The following KLHL3 variants were observed in gnomAD, a reference collection of about 807,000 sequenced individuals.
KLHL3 encodes the protein kelch-like protein 3.
A neutral mutation model predicts 70.5 loss-of-function variants in KLHL3; 19 were observed. The observed-to-expected ratio is 0.27, with a 90% CI of 0.19 to 0.40. The LOEUF (loss-of-function observed/expected upper bound fraction) is 0.40, where lower values mean the gene tolerates loss of function less well. KLHL3 is among the 10% of genes least tolerant of loss of function. The pLI, the probability that KLHL3 is intolerant of heterozygous loss-of-function variation, is 1.00. For synonymous variants in KLHL3, 258 were observed against 290.3 expected (o/e 0.89, Z 1.13); for missense variants, 512 against 771.1 (o/e 0.66, Z 3.98).
At chr5:137,715,068 G>GGATGGTAA (rs1387780021) in intron 2 of KLHL3, among the ~76,000 whole-genome samples, 1 of 152,206 alleles carries the variant, frequency 6.6e-6, no homozygotes, top group African/African-American at 2.4e-5. Context: ...TTTGCTTGCT[G>GGATGGTAA]GATGGTAAGT....
At chr5:137,693,459 T>C (rs1465709297) in intron 4 of KLHL3, among the ~76,000 whole-genome samples, 1 of 152,078 alleles carries the variant, frequency 6.6e-6, no homozygotes, top group East Asian at 1.9e-4. Flanking sequence ...CCAACCTCTA[T>C]CAATTTTCCC....
chr5:137,660,732 A>C (rs1200696559), intron 7 of KLHL3: 1 of 152,242 alleles, frequency 6.6e-6, no homozygotes, highest in Non-Finnish European at 1.5e-5. Flanking sequence ...CAGTGGTCAC[A>C]AAGACTACAG....
At chr5:137,674,594 G>T (rs1751841631) in intron 6 of KLHL3, among the ~76,000 whole-genome samples, 1 of 152,190 alleles carries the variant, frequency 6.6e-6, no homozygotes, top group African/African-American at 2.4e-5. Flanking sequence ...TCTGTGGGCT[G>T]CATGCAGAGT....
chr5:137,631,694 G>A (rs988044179), intron 12 of KLHL3, among the ~76,000 whole-genome samples: 5 of 152,196 alleles, frequency 3.3e-5, no homozygotes, highest in South Asian at 2.1e-4. Flanking sequence ...TATCCACCTC[G>A]TAGGGCTGCA....
At chr5:137,733,961 T>C (rs1753220432) in intron 1 of KLHL3, among the ~76,000 whole-genome samples, 1 of 152,228 alleles carries the variant, frequency 6.6e-6, no homozygotes, top group Admixed American at 6.5e-5. Context: ...GTCTACCATC[T>C]GCCTTCAGCA....
At chr5:137,720,340 A>T in intron 2 of KLHL3, 125 bp downstream of exon 2, 1 of 1,162,348 alleles carries the variant, frequency 8.6e-7, no homozygotes, top group Non-Finnish European at 1.2e-6. Context: ...AACTCAAGTG[A>T]CTAAGAATGG....
intron 7 of KLHL3, among the ~76,000 whole-genome samples, chr5:137,658,542 T>C (rs1751399012): frequency 6.6e-6 from 1 of 152,240 alleles, no homozygotes; most frequent in Non-Finnish European, 1.5e-5. Context: ...AATGGGCATA[T>C]TAAAGGTATC....
At position 137,627,488 on chromosome 5, in the gene KLHL3, C is replaced by CGCCCCCG. The variant is rs1554089727; in HGVS notation, c.1591+808_1591+809insCGGGGGC. ...TAGTAAATATCACCACCCCCCCCCC[C>CGCCCCCG]GGTTTACACTTCCAAGTCAGCCACG... On this transcript the variant is annotated intron_variant, in intron 13 of 14. Coordinates refer to ENST00000309755, the MANE Select transcript of KLHL3 (RefSeq NM_017415.3). Among the ~76,000 whole-genome samples the CGCCCCCG allele has an allele frequency of 6.5e-5, 6 of 92,352 alleles. 1 individual carries two copies. The highest frequency in any genetic ancestry group is 2.3e-4 in the African/African-American group (6 of 26,508). 60.6% of individuals were successfully genotyped at this position (92,352 alleles called of 152,430 possible).
At chr5:137,723,014 TC>T in intron 1 of KLHL3, among the ~76,000 whole-genome samples, 1 of 152,340 alleles carries the variant, frequency 6.6e-6, no homozygotes, top group East Asian at 1.9e-4. Context: ...GATCTAATTT[TC>T]TCCATAAGTT....
rs148926652 is a variant in KLHL3, at chr5:137,635,710, C to T, written c.1322-1545G>A. 1.3e-3 allele frequency among the ~76,000 whole-genome samples: 192 copies of T among 152,276 alleles called. No individual in the cohort carries two copies. In the Middle Eastern group the frequency reaches 0.024, roughly 19 times the overall value. On this transcript the variant is annotated intron_variant, in intron 11 of 14. Coordinates refer to ENST00000309755, the MANE Select transcript of KLHL3 (RefSeq NM_017415.3). ...CACAGCTGTAAATTGAACTCTGCTGCCCCAGGGTGCCCACAGCTGAAAGAG... is the reference window on the plus strand; with the variant it reads ...CACAGCTGTAAATTGAACTCTGCTGTCCCAGGGTGCCCACAGCTGAAAGAG...
At chr5:137,655,130 G>GATGAGAA (rs1261491100) in intron 8 of KLHL3, among the ~76,000 whole-genome samples, 1 of 152,148 alleles carries the variant, frequency 6.6e-6, no homozygotes, top group East Asian at 1.9e-4. Context: ...TATCATAGAG[G>GATGAGAA]ATGAGAACCA....
intron 3 of KLHL3, among the ~76,000 whole-genome samples, chr5:137,700,994 A>G (rs558584377): frequency 6.6e-6 from 1 of 152,234 alleles, no homozygotes; most frequent in African/African-American, 2.4e-5. Context: ...TCCAGGAGGT[A>G]GACAGTATTA....
At chr5:137,633,408 G>A (rs2149881339) in intron 12 of KLHL3, among the ~76,000 whole-genome samples, 1 of 152,036 alleles carries the variant, frequency 6.6e-6, no homozygotes, top group Admixed American at 6.5e-5. Context: ...ACAGTATGGG[G>A]ATTTCTCAAA....
chr5:137,715,992 T>C (rs531975808), intron 2 of KLHL3, among the ~76,000 whole-genome samples: 140 of 152,300 alleles, frequency 9.2e-4, no homozygotes, highest in African/African-American at 3.1e-3. Context: ...AGATTTGAAG[T>C]CAGAGTCTAT....
chr5:137,637,218 C>A, intron 11 of KLHL3, 76 bp downstream of exon 11: 1 of 1,184,846 alleles, frequency 8.4e-7, no homozygotes, highest in Non-Finnish European at 1.3e-6. Flanking sequence ...AGAGGAAGCA[C>A]CAAGCATGAT....
intron 1 of KLHL3, among the ~76,000 whole-genome samples, chr5:137,722,435 G>A (rs1284596557): frequency 6.6e-6 from 1 of 152,184 alleles, no homozygotes; most frequent in Non-Finnish European, 1.5e-5. Context: ...AAGATGCTTA[G>A]AGTTGTGTGT....
intron 6 of KLHL3, among the ~76,000 whole-genome samples, chr5:137,669,686 G>A (rs1446984097): frequency 2.0e-5 from 3 of 152,172 alleles, no homozygotes; most frequent in Admixed American, 6.5e-5. Context: ...GATGACATAC[G>A]GATGGAGAAT....
chr5:137,716,913 C>T (rs993578071), intron 2 of KLHL3, among the ~76,000 whole-genome samples: 1 of 152,204 alleles, frequency 6.6e-6, no homozygotes, highest in Admixed American at 6.5e-5. Flanking sequence ...ACCAACCCCC[C>T]TTCCCATCAT....
intron 3 of KLHL3, chr5:137,707,434 A>G (rs1752706697): frequency 6.6e-6 from 1 of 151,564 alleles, no homozygotes; most frequent in East Asian, 1.9e-4. Context: ...CTCTGTCTCA[A>G]AAAAAAAAGA....
Sources: allele counts gnomAD v4.1 joint callset (sites outside exome capture counted in the v4.1 genomes callset), GRCh38; gene constraint gnomAD v4.1.1; transcripts MANE v1.5; gene names NCBI Gene and HGNC (gene_info 2026-07-23, HGNC 2026-07-21).